GAN: variants seen among roughly 807,000 people sequenced by gnomAD.
GAN encodes epididymis secretory sperm binding protein.
GAN carries 48 observed loss-of-function variants against 71.3 expected under a neutral mutation model. That is an observed-to-expected ratio of 0.67 (90% confidence interval 0.53 to 0.86). GAN has a LOEUF of 0.86. Ranked by LOEUF, GAN falls within the 40% of genes least tolerant of loss-of-function variation. The probability of loss-of-function intolerance (pLI) is 0.00; values close to 1 mark genes in which losing one functional copy is unlikely to be tolerated. For synonymous variants in GAN, 386 were observed against 276.8 expected (o/e 1.39, Z -3.92); for missense variants, 928 against 770.1 (o/e 1.21, Z -2.43).
At chr16:81,342,827 A>G (rs1041218818) in intron 1 of GAN, among the ~76,000 whole-genome samples, 1 of 152,226 alleles carries the variant, frequency 6.6e-6, no homozygotes, top group Non-Finnish European at 1.5e-5. Flanking sequence ...CAAAAAATCA[A>G]TGAATCCAGG....
Position 81,357,945 on chromosome 16 carries a change from G to A in GAN, c.973+14G>A. ...TTCTCTCAGCAGGTACCGTTCTGTG[G>A]CAAATTTTCCTTAAACAGCAGATCA... On this transcript the variant is annotated intron_variant, in intron 5 of 10. Transcript: ENST00000648994. 1 of 1,612,042 alleles carries A rather than the reference G, an allele frequency of 6.2e-7. No individual in the cohort carries two copies. The highest frequency in any genetic ancestry group is 8.5e-7 in the Non-Finnish European group (1 of 1,178,336).
chr16:81,354,845 A>G, intron 3 of GAN, 90 bp downstream of exon 3: 1 of 756,878 alleles, frequency 1.3e-6, no homozygotes, highest in Non-Finnish European at 2.3e-6. Context: ...TTCATCATGA[A>G]AGACTTACGA....
intron 1 of GAN, among the ~76,000 whole-genome samples, chr16:81,326,157 A>G (rs540926559): frequency 1.3e-5 from 2 of 152,286 alleles, no homozygotes; most frequent in Admixed American, 1.3e-4. Context: ...GGGTGATTTT[A>G]AAGCCCATCA....
chr16:81,335,646 C>G (rs960504483), intron 1 of GAN, among the ~76,000 whole-genome samples: 2 of 150,000 alleles, frequency 1.3e-5, no homozygotes, highest in Non-Finnish European at 2.9e-5. Flanking sequence ...ACTCAGGAGG[C>G]TGAGGCAGGA....
At position 81,382,512 on chromosome 16, in the gene GAN, T is replaced by C. The variant is rs992295817; in HGVS notation, c.*4916T>C. 6.6e-6 allele frequency: 1 copy of C among 152,214 alleles called. No individual in the cohort carries two copies. The highest frequency in any genetic ancestry group is 6.5e-5 in the Admixed American group (1 of 15,280). 9.4% of individuals were successfully genotyped at this position (152,214 alleles called of 1,614,324 possible). On this transcript the variant is annotated 3_prime_UTR_variant, in exon 11 of 11. Coordinates refer to ENST00000648994, the MANE Select transcript of GAN (RefSeq NM_022041.4). Reference sequence around the variant, plus strand: ...TTATTTCAAAGAGCTTCATGTATACTTCCCTCTCTTATTCCATGTAATTAG... The same window carrying C: ...TTATTTCAAAGAGCTTCATGTATACCTCCCTCTCTTATTCCATGTAATTAG...
chr16:81,349,186 C>T (rs910651075), intron 1 of GAN, among the ~76,000 whole-genome samples: 42 of 152,254 alleles, frequency 2.8e-4, no homozygotes, highest in African/African-American at 7.9e-4. Flanking sequence ...TCTTTCACCC[C>T]CTGCCCCACC....
rs942456904 is a variant in GAN at position 81,377,509 on chromosome 16, A to T, written c.1707A>T (p.Gly569=). Residue 569 remains glycine (G), a synonymous_variant, in exon 11 of 11, where the codon GGA becomes GGT. Transcript: ENST00000648994. ...PLLPSDLRRT[G]CAALRIANCK... is the part of the protein sequence containing the mutation. ...TTCCATCCGACCTTCGCCGTACAGG[A>T]TGTGCAGCCTTACGCATTGCGAATT... is the stretch of plus-strand genomic sequence containing the variant. The T allele has an allele frequency of 2.5e-6, 4 of 1,613,962 alleles. No homozygotes were observed. The African/African-American group carries it at 4.0e-5, about 16-fold the overall frequency.
intron 5 of GAN, 109 bp from the exon 6 acceptor site, chr16:81,362,390 C>T (rs772916856): frequency 2.9e-5 from 21 of 728,164 alleles, no homozygotes; most frequent in Non-Finnish European, 5.3e-5. Flanking sequence ...CCAAAGAGAA[C>T]ATTGTTGTCA....
Position 81,377,884 on chromosome 16 carries a change from G to A in GAN, c.*288G>A. ...TCAAAAGGAAAAGGGAGTGGGAATT[G>A]CTATCATGTAAAATATCAAAGTTAA... On this transcript the variant is annotated 3_prime_UTR_variant, in exon 11 of 11. Transcript: ENST00000648994. 8.7e-6 allele frequency: 4 copies of A among 461,730 alleles called. No individual in the cohort carries two copies. Among genetic ancestry groups the A allele is most frequent in the Non-Finnish European group, 1.2e-5 (3 of 252,276 alleles). The allele number at this position is 461,730 out of a possible 1,614,324, so 28.6% of individuals were successfully genotyped here.
intron 1 of GAN, among the ~76,000 whole-genome samples, chr16:81,328,222 A>G (rs1315368095): frequency 2.0e-5 from 3 of 152,224 alleles, no homozygotes. Context: ...GTTGCCCTCA[A>G]TTTCTGGTTC....
chr16:81,359,820 C>A (rs1260944118), intron 5 of GAN, among the ~76,000 whole-genome samples: 1 of 152,012 alleles, frequency 6.6e-6, no homozygotes, highest in East Asian at 1.9e-4. Context: ...AGATTAACGA[C>A]AATAACTGAT....
chr16:81,319,985 T>C (rs1170536211), intron 1 of GAN, among the ~76,000 whole-genome samples: 1 of 152,246 alleles, frequency 6.6e-6, no homozygotes, highest in Non-Finnish European at 1.5e-5. Flanking sequence ...TTTTGTTTTA[T>C]GTTAATATTA....
At position 81,385,313 on chromosome 16, in the gene GAN, C is replaced by T. The variant is rs1411472661; in HGVS notation, c.*7717C>T. ...CAAAGGCTTATTCCTTTAACTTAAA[C>T]CCCAAACTTTGTTATTTTAATTATT... On this transcript the variant is annotated 3_prime_UTR_variant, in exon 11 of 11. Coordinates refer to ENST00000648994, the MANE Select transcript of GAN (RefSeq NM_022041.4). 1.3e-5 allele frequency: 2 copies of T among 152,152 alleles called. No homozygotes were observed. The highest frequency in any genetic ancestry group is 4.8e-5 in the African/African-American group (2 of 41,414). 9.4% of individuals were successfully genotyped at this position (152,152 alleles called of 1,614,324 possible).
chr16:81,366,169 A>G (rs557244608), intron 9 of GAN, among the ~76,000 whole-genome samples: 19 of 152,216 alleles, frequency 1.2e-4, no homozygotes, highest in Non-Finnish European at 2.4e-4. Context: ...CTATGATTCC[A>G]TGCCCTCCAG....
chr16:81,357,134 T>G (rs1597403016), intron 4 of GAN, 132 bp downstream of exon 4: 5 of 719,446 alleles, frequency 6.9e-6, no homozygotes, highest in Non-Finnish European at 1.3e-5. Flanking sequence ...ACTTTAAGTT[T>G]TAGGGTACAT....
At position 81,353,246 on chromosome 16, in the gene GAN, T is replaced by C. The variant is rs775254279; in HGVS notation, c.283-1159T>C. 4.1e-5 allele frequency among the ~76,000 whole-genome samples: 6 copies of C among 146,242 alleles called. No individual in the cohort carries two copies. The South Asian group carries it at 6.6e-4, about 16-fold the overall frequency. ...GGCGGAGCCTGCAGTGAGCCGAGAT[T>C]GCGCCACTGCACTCCAGCGTGGGCG... On this transcript the variant is annotated intron_variant, in intron 2 of 10. Transcript: ENST00000648994.
In GAN at chr16:81,388,113, G is replaced by A. The variant is rs1193319876; in HGVS notation, c.*10517G>A. The A allele has an allele frequency of 6.6e-6, 1 of 152,302 alleles. No individual in the cohort carries two copies. The highest frequency in any genetic ancestry group is 1.5e-5 in the Non-Finnish European group (1 of 68,098). The allele number at this position is 152,302 out of a possible 1,614,324, so 9.4% of individuals were successfully genotyped here. A position where few individuals can be genotyped will look rare whatever the true frequency, so the allele number is the denominator to read the frequency against. On this transcript the variant is annotated 3_prime_UTR_variant, in exon 11 of 11. Transcript: ENST00000648994. Reference sequence around the variant, plus strand: ...GCTTAGGGATTGCCGTCAAGGTGGAGGAAGGGTATTTTGGCCATGTTCGGA... The same window carrying A: ...GCTTAGGGATTGCCGTCAAGGTGGAAGAAGGGTATTTTGGCCATGTTCGGA...
intron 3 of GAN, 104 bp from the exon 4 acceptor site, chr16:81,356,681 G>C: frequency 1.2e-6 from 1 of 837,340 alleles, no homozygotes; most frequent in Non-Finnish European, 2.1e-6. Flanking sequence ...GTAATAACCT[G>C]AGTGTTAACA....
At chr16:81,370,947 A>G (rs958174623) in intron 9 of GAN, among the ~76,000 whole-genome samples, 1 of 152,144 alleles carries the variant, frequency 6.6e-6, no homozygotes, top group Non-Finnish European at 1.5e-5. Flanking sequence ...TCAACTTTCC[A>G]CAGAGCACCA....
Sources: gnomAD v4.1 joint callset for allele counts (sites outside exome capture counted in the v4.1 genomes callset) on GRCh38, gnomAD v4.1.1 for gene constraint, MANE v1.5 for transcripts, NCBI Gene and HGNC (gene_info 2026-07-23, HGNC 2026-07-21) for gene names.